Variants in ARR3 observed in about 807,000 individuals in gnomAD.
ARR3 encodes the protein arrestin 3.
ARR3 carries 14 observed loss-of-function variants against 35.4 expected under a neutral mutation model. The observed-to-expected ratio is 0.40, with a 90% confidence interval of 0.26 to 0.62. The LOEUF is 0.62. Among genes scored for constraint, ARR3 ranks in the 20% least tolerant of loss-of-function variants. ARR3 has a pLI of 0.46. For synonymous variants in ARR3, 97 were observed against 119.1 expected, an observed-to-expected ratio of 0.81 and a Z score of 1.21; for missense variants, 259 against 303.8, an observed-to-expected ratio of 0.85 and a Z score of 1.10.
intron 5 of ARR3, among the ~76,000 whole-genome samples, chrX:70,270,658 A>T (rs1326634849): frequency 1.8e-5 from 2 of 109,938 alleles, no homozygotes; most frequent in Non-Finnish European, 3.8e-5. Context: ...AGAAGCCTGG[A>T]TAGATTATAA....
rs200778591 is a variant in ARR3, at chrX:70,276,429, C to T, written c.346-4C>T. 527 of 1,209,462 alleles carry T rather than the reference C, an allele frequency of 4.4e-4. 2 individuals are homozygous for T. The African/African-American group carries it at 8.1e-3, about 19-fold the overall frequency. On this transcript the variant is annotated splice_region_variant and splice_polypyrimidine_tract_variant and intron_variant, in intron 6 of 16. Coordinates refer to ENST00000307959, the MANE Select transcript of ARR3 (RefSeq NM_004312.3). ...TCTTTTCTGATCTCCTTTTTGTCCC[C>T]TAGATGGTGACCAACCTGCCCTGTT...
chrX:70,274,951 A>G (rs1238199647), intron 5 of ARR3, among the ~76,000 whole-genome samples: 1 of 112,446 alleles, frequency 8.9e-6, no homozygotes, highest in Non-Finnish European at 1.9e-5. Context: ...GTTCTAGCTC[A>G]TTTATTTTAA....
chrX:70,270,527 C>T (rs971236945), intron 5 of ARR3, among the ~76,000 whole-genome samples: 3 of 111,773 alleles, frequency 2.7e-5, no homozygotes, highest in African/African-American at 9.7e-5. Flanking sequence ...ACTGGTGGTG[C>T]CCCTGCTTGG....
At chrX:70,275,484 A>G (rs752772795) in intron 5 of ARR3, among the ~76,000 whole-genome samples, 139 of 109,885 alleles carry the variant, frequency 1.3e-3, no homozygotes, top group South Asian at 5.1e-3. Flanking sequence ...TATATTTTGG[A>G]CTCTAAACTT....
At chrX:70,275,752 CTCTGCCT>C (rs1481365247) in intron 5 of ARR3, among the ~76,000 whole-genome samples, 1 of 98,566 alleles carries the variant, frequency 1.0e-5, no homozygotes, top group Admixed American at 1.2e-4. Context: ...TCACTGCAAG[CTCTGCCT>C]CCTGGGTTCA....
intron 9 of ARR3, 31 bp downstream of exon 9, chrX:70,277,560 C>G (rs758548499): frequency 8.3e-7 from 1 of 1,201,626 alleles, no homozygotes; most frequent in East Asian, 3.0e-5. Context: ...GCCTCCCACC[C>G]CAGAACCCCT....
intron 7 of ARR3, 40 bp downstream of exon 7, chrX:70,276,532 A>G: frequency 8.4e-7 from 1 of 1,192,278 alleles, no homozygotes; most frequent in Non-Finnish European, 1.1e-6. Flanking sequence ...AGGTAGTGCC[A>G]GGGAAGAGGA....
At chrX:70,277,987 G>C in intron 10 of ARR3, 79 bp from the exon 11 acceptor site, 1 of 1,007,696 alleles carries the variant, frequency 9.9e-7, no homozygotes, top group Non-Finnish European at 1.4e-6. Flanking sequence ...TATGTATAAG[G>C]TCACATCTAA....
intron 5 of ARR3, among the ~76,000 whole-genome samples, chrX:70,271,837 C>T (rs1184849348): frequency 9.0e-6 from 1 of 111,419 alleles, no homozygotes; most frequent in African/African-American, 3.3e-5. Flanking sequence ...CACAACTATA[C>T]ATTAATAACT....
chrX:70,271,798 G>T (rs1205679303), intron 5 of ARR3, among the ~76,000 whole-genome samples: 1 of 111,620 alleles, frequency 9.0e-6, no homozygotes, highest in Non-Finnish European at 1.9e-5. Context: ...CTGATGTTCA[G>T]ACAATTAACA....
intron 2 of ARR3, 83 bp from the exon 3 acceptor site, chrX:70,269,575 ATTTC>A: frequency 9.1e-7 from 1 of 1,094,108 alleles, no homozygotes; most frequent in Non-Finnish European, 1.2e-6. Flanking sequence ...TCCTAAGAAT[ATTTC>A]TTTTTCTCCC....
chrX:70,273,198 G>GTTTCCGAAA (rs1387723278), intron 5 of ARR3, among the ~76,000 whole-genome samples: 1 of 94,897 alleles, frequency 1.1e-5, no homozygotes, highest in Non-Finnish European at 2.1e-5. Flanking sequence ...TTATTTTGAA[G>GTTTCCGAAA]TTTCCGAAAG....
At chrX:70,280,062 A>T in intron 12 of ARR3, 133 bp from the exon 13 acceptor site, 1 of 565,250 alleles carries the variant, frequency 1.8e-6, no homozygotes, top group Non-Finnish European at 2.9e-6. Context: ...GAAAGGTTAG[A>T]GCCTGGGAGA....
Position 70,269,391 on chromosome X carries a change from C to T in ARR3, c.6C>T (p.Ser2=). The T allele has an allele frequency of 1.7e-6, 2 of 1,202,206 alleles. No individual in the cohort carries two copies. Among genetic ancestry groups the T allele is most frequent in the Non-Finnish European group, 2.3e-6 (2 of 887,623 alleles). The part of the protein sequence containing the change: M[S]KVFKKTSSNG... ...ACATCAACTATATAGCCAACATGTC[C>T]AAGTAAGAATTCCTTCTAATCCTCT... The change falls in exon 2 of 17, where the codon TCC becomes TCT. Residue 2 remains serine, a splice_region_variant and synonymous_variant. Coordinates refer to ENST00000307959, the MANE Select transcript of ARR3 (RefSeq NM_004312.3).
chrX:70,280,225 G>A lies in ARR3; in HGVS notation c.936G>A (p.Leu312=), dbSNP rs770026600. Residue 312 remains leucine (L), a synonymous_variant, in exon 13 of 17, where the codon CTG becomes CTA. Coordinates refer to ENST00000307959, the MANE Select transcript of ARR3 (RefSeq NM_004312.3). The part of the protein sequence containing the change: ...IIRPGMDKEL[L]GILVSYKVRV... ...GACCGGGAATGGACAAAGAGCTGCT[G>A]GGGATCCTGGTGTCCTACAAAGTCA... The A allele has an allele frequency of 8.3e-7, 1 of 1,211,478 alleles. No individual in the cohort carries two copies. The highest frequency in any genetic ancestry group is 1.1e-6 in the Non-Finnish European group (1 of 895,295).
In ARR3 at chrX:70,276,055, A is replaced by T. The variant is rs748898307; in HGVS notation, c.146-27A>T. On this transcript the variant is annotated intron_variant, in intron 5 of 16. Coordinates refer to ENST00000307959, the MANE Select transcript of ARR3 (RefSeq NM_004312.3). ...TCCCCTTCCCACTCAGGCCTGACAG[A>T]CCACTCTCTTCCTCCTATGCCTGCA... is the stretch of plus-strand genomic sequence containing the variant. The T allele has an allele frequency of 5.8e-6, 7 of 1,204,497 alleles. No homozygotes were observed. The East Asian group carries it at 2.1e-4, about 36-fold the overall frequency.
chrX:70,280,364 C>A, intron 13 of ARR3, 86 bp downstream of exon 13: 1 of 1,018,651 alleles, frequency 9.8e-7, no homozygotes, highest in Non-Finnish European at 1.4e-6. Flanking sequence ...TAGATTGACC[C>A]AATCAAACCA....
At position 70,276,161 on chromosome X, in the gene ARR3, G is replaced by C. The variant is rs981129060; in HGVS notation, c.225G>C (p.Leu75=). 2 of 1,211,793 alleles carry C rather than the reference G, an allele frequency of 1.7e-6. No homozygotes were observed. The highest frequency in any genetic ancestry group is 1.1e-6 in the Non-Finnish European group (1 of 895,505). The stretch of plus-strand genomic sequence containing the variant: ...TTGGTCTGACGTTCCGAAAAGATCT[G>C]TATGTGCAGACCCTGCAAGTGGTCC... ...EVIGLTFRKD[L]YVQTLQVVPA... Residue 75 remains leucine (L), a synonymous_variant, in exon 6 of 17, where the codon CTG becomes CTC. Transcript: ENST00000307959.
Position 70,269,912 on chromosome X carries a change from G to T in ARR3, c.100+9G>T. On this transcript the variant is annotated intron_variant, in intron 4 of 16. Transcript: ENST00000307959. Reference sequence around the variant, plus strand: ...CACGGTGGAACCCATTGGTCAGTGAGTCCAAAAAAGGGAAGCCTGGGGAAA... The same window carrying T: ...CACGGTGGAACCCATTGGTCAGTGATTCCAAAAAAGGGAAGCCTGGGGAAA... 3 of 1,206,459 alleles carry T rather than the reference G, an allele frequency of 2.5e-6. No individual in the cohort carries two copies. The highest frequency in any genetic ancestry group is 3.4e-6 in the Non-Finnish European group (3 of 892,475).
Sources: allele counts gnomAD v4.1 joint callset (sites outside exome capture counted in the v4.1 genomes callset), GRCh38; gene constraint gnomAD v4.1.1; transcripts MANE v1.5; gene names NCBI Gene and HGNC (gene_info 2026-07-23, HGNC 2026-07-21).